OPCML: variants seen among roughly 807,000 people sequenced by gnomAD.
The protein encoded by OPCML is opioid binding protein/cell adhesion molecule like.
In OPCML, 13 loss-of-function variants were observed where a neutral mutation model predicts 37.8. That is an observed-to-expected ratio of 0.34 (90% CI 0.22 to 0.55). The LOEUF (loss-of-function observed/expected upper bound fraction) is 0.55. Ranked by LOEUF, OPCML falls within the 20% of genes least tolerant of loss-of-function variation. The pLI is 0.91. For missense variants in OPCML, 341 were observed against 435.6 expected (o/e 0.78, Z 1.93); for synonymous variants, 176 against 168.8 (o/e 1.04, Z -0.33).
At chr11:133,430,317 A>C (rs1946091458) in intron 1 of OPCML, among the ~76,000 whole-genome samples, 1 of 152,236 alleles carries the variant, frequency 6.6e-6, no homozygotes, top group Non-Finnish European at 1.5e-5. Flanking sequence ...CATTGCTTTA[A>C]AGGGAAACAA....
chr11:133,469,717 G>A (rs549674553), intron 1 of OPCML, among the ~76,000 whole-genome samples: 2 of 152,196 alleles, frequency 1.3e-5, no homozygotes, highest in East Asian at 3.9e-4. Flanking sequence ...AGCCTGCAAT[G>A]CCCTCATCTC....
chr11:132,915,777 G>T (rs1944583235), intron 2 of OPCML, among the ~76,000 whole-genome samples: 1 of 152,046 alleles, frequency 6.6e-6, no homozygotes, highest in Non-Finnish European at 1.5e-5. Flanking sequence ...TCAAGTAATT[G>T]CTCATTCATA....
intron 1 of OPCML, among the ~76,000 whole-genome samples, chr11:133,147,348 T>C (rs186005838): frequency 1.9e-4 from 29 of 152,146 alleles, no homozygotes; most frequent in Non-Finnish European, 2.8e-4. Flanking sequence ...CTTTTGATAG[T>C]CTGGAGGCCA....
intron 1 of OPCML, among the ~76,000 whole-genome samples, chr11:133,427,738 C>T (rs1946032601): frequency 6.6e-6 from 1 of 151,670 alleles, no homozygotes; most frequent in African/African-American, 2.4e-5. Flanking sequence ...AGTGGTAGAA[C>T]ACCGAAATAC....
At chr11:133,529,715 G>A (rs1267442330) in intron 1 of OPCML, among the ~76,000 whole-genome samples, 2 of 152,184 alleles carry the variant, frequency 1.3e-5, no homozygotes, top group African/African-American at 4.8e-5. Flanking sequence ...GTTTTTAGAC[G>A]CAGTGAAAGT....
chr11:132,613,857 G>A (rs1938819586), intron 3 of OPCML, among the ~76,000 whole-genome samples: 2 of 152,014 alleles, frequency 1.3e-5, no homozygotes, highest in Admixed American at 6.6e-5. Flanking sequence ...ATGCTTGCAT[G>A]GAATGAACAA....
chr11:132,505,256 G>A (rs1284220850), intron 4 of OPCML, among the ~76,000 whole-genome samples: 1 of 152,086 alleles, frequency 6.6e-6, no homozygotes. Context: ...GTGGAAAAAG[G>A]AAAATAAAGA....
chr11:132,689,999 A>G (rs921081807), intron 2 of OPCML, among the ~76,000 whole-genome samples: 33 of 152,244 alleles, frequency 2.2e-4, no homozygotes, highest in Non-Finnish European at 3.8e-4. Flanking sequence ...GCAACATTCT[A>G]AACAAGTTTC....
intron 1 of OPCML, among the ~76,000 whole-genome samples, chr11:133,077,414 C>A (rs537265931): frequency 3.1e-4 from 47 of 152,206 alleles, no homozygotes; most frequent in Admixed American, 2.0e-4. Flanking sequence ...AGCAAGATCC[C>A]TACCTAATGA....
chr11:133,006,719 C>A (rs1187538435), intron 1 of OPCML: 33 of 985,326 alleles, frequency 3.3e-5, no homozygotes, highest in Non-Finnish European at 1.4e-5. Context: ...TGTTCCAGCA[C>A]CTTTCTGCAC....
intron 1 of OPCML, among the ~76,000 whole-genome samples, chr11:133,351,416 A>G (rs868011210): frequency 6.6e-6 from 1 of 152,136 alleles, no homozygotes; most frequent in South Asian, 2.1e-4. Flanking sequence ...CTCTCTTCTC[A>G]GTAACAACAA....
At chr11:132,482,142 GA>G (rs2096182759) in intron 4 of OPCML, among the ~76,000 whole-genome samples, 1 of 149,412 alleles carries the variant, frequency 6.7e-6, no homozygotes, top group African/African-American at 2.4e-5. Flanking sequence ...CTGGTTTTTT[GA>G]AAGGATCAAC....
At chr11:132,631,877 T>C (rs2135694700) in intron 3 of OPCML, among the ~76,000 whole-genome samples, 1 of 152,206 alleles carries the variant, frequency 6.6e-6, no homozygotes, top group African/African-American at 2.4e-5. Flanking sequence ...TTTATTAAGA[T>C]CACAAGTCAA....
chr11:132,863,063 CA>C (rs1942372559), intron 2 of OPCML, among the ~76,000 whole-genome samples: 1 of 152,180 alleles, frequency 6.6e-6, no homozygotes, highest in South Asian at 2.1e-4. Flanking sequence ...TGGGTGTGGG[CA>C]GCCTCAGTAT....
chr11:132,763,209 C>T (rs555093310), intron 2 of OPCML, among the ~76,000 whole-genome samples: 5 of 152,290 alleles, frequency 3.3e-5, no homozygotes, highest in Admixed American at 1.3e-4. Context: ...AAATGACCTG[C>T]GTTCTGTGTT....
intron 2 of OPCML, among the ~76,000 whole-genome samples, chr11:132,856,752 G>T (rs1298770907): frequency 6.6e-6 from 1 of 152,182 alleles, no homozygotes; most frequent in Non-Finnish European, 1.5e-5. Context: ...CCTCCGAAGT[G>T]CTGGCATGCC....
intron 4 of OPCML, among the ~76,000 whole-genome samples, chr11:132,510,323 G>A (rs1179619528): frequency 1.3e-5 from 2 of 152,144 alleles, no homozygotes; most frequent in Non-Finnish European, 2.9e-5. Context: ...ACTTTGGACT[G>A]TGGACTTTTG....
intron 3 of OPCML, among the ~76,000 whole-genome samples, chr11:132,575,283 G>C (rs1338735318): frequency 6.6e-6 from 1 of 151,962 alleles, no homozygotes; most frequent in African/African-American, 2.4e-5. Context: ...TTGCTAGTTT[G>C]TTAGTTGTTT....
intron 2 of OPCML, among the ~76,000 whole-genome samples, chr11:132,874,285 G>T (rs1942926362): frequency 6.6e-6 from 1 of 151,854 alleles, no homozygotes; most frequent in South Asian, 2.1e-4. Flanking sequence ...TCTGAATCTT[G>T]GCTGTCAGGA....
Sources: gnomAD v4.1 joint callset for allele counts (sites outside exome capture counted in the v4.1 genomes callset) on GRCh38, gnomAD v4.1.1 for gene constraint, MANE v1.5 for transcripts, NCBI Gene and HGNC (gene_info 2026-07-23, HGNC 2026-07-21) for gene names.